ARHGAP45: variants seen among roughly 807,000 people sequenced by gnomAD.
The protein encoded by ARHGAP45 is rho GTPase-activating protein 45.
In ARHGAP45, 56 loss-of-function variants were observed where a neutral mutation model predicts 116.1. That is an observed-to-expected ratio of 0.48 (90% confidence interval 0.39 to 0.60). The LOEUF is 0.60. Among genes scored for constraint, ARHGAP45 ranks in the 20% least tolerant of loss-of-function variants. ARHGAP45 has a pLI of 0.00. For synonymous variants in ARHGAP45, 866 were observed against 701.7 expected, an observed-to-expected ratio of 1.23 and a Z score of -3.70; for missense variants, 1,622 against 1,601.0, an observed-to-expected ratio of 1.01 and a Z score of -0.22.
At chr19:1,075,027 G>GCCCCC (rs539582612) in intron 10 of ARHGAP45, 148 bp downstream of exon 10, 54 of 441,386 alleles carry the variant, frequency 1.2e-4, no homozygotes, top group African/African-American at 1.2e-3. Flanking sequence ...AGGCTGGGCC[G>GCCCCC]CCCCCCCCAA....
At position 1,085,655 on chromosome 19, in the gene ARHGAP45, C is replaced by T. The variant is rs766494077; in HGVS notation, c.3065-5C>T. On this transcript the variant is annotated splice_polypyrimidine_tract_variant and splice_region_variant and intron_variant, in intron 22 of 22. Coordinates refer to ENST00000313093, the MANE Select transcript of ARHGAP45 (RefSeq NM_012292.5). Reference sequence around the variant, plus strand: ...CTCCCCCCGCCATCTGTCTCCCTTTCTTAGAATCCCGAGTTGTGTCCAACG... The same window carrying T: ...CTCCCCCCGCCATCTGTCTCCCTTTTTTAGAATCCCGAGTTGTGTCCAACG... 6.4e-7 allele frequency: 1 copy of T among 1,552,110 alleles called. No individual in the cohort carries two copies. The highest frequency in any genetic ancestry group is 2.3e-5 in the East Asian group (1 of 43,584).
At chr19:1,084,494 T>C in intron 22 of ARHGAP45, 148 bp downstream of exon 22, 1 of 616,114 alleles carries the variant, frequency 1.6e-6, no homozygotes. Context: ...ACCACACCTA[T>C]GAGCTACTCA....
chr19:1,081,899 G>A lies in ARHGAP45; in HGVS notation c.2455G>A (p.Val819Ile). ...GGCCTTCGAGAACGGCAAGGAGCTG[G>A]TCGAGCTGTCGCAGGCCTCGCCCCA... Reference protein sequence around the residue: ...CQAFENGKELVELSQASPHDI... With the variant: ...CQAFENGKELIELSQASPHDI... The change falls in exon 19 of 23, where the codon GTC (valine) becomes ATC (isoleucine). Residue 819 changes from valine to isoleucine, a missense_variant. This residue lies in a region of ARHGAP45 where 1,334 missense variants were observed against 1,263.8 expected (regional missense o/e 1.06). Coordinates refer to ENST00000313093, the MANE Select transcript of ARHGAP45 (RefSeq NM_012292.5). The A allele has an allele frequency of 6.2e-7, 1 of 1,613,148 alleles. No individual in the cohort carries two copies. The highest frequency in any genetic ancestry group is 1.1e-5 in the South Asian group (1 of 91,060).
At chr19:1,075,037 A>C (rs774466551) in intron 10 of ARHGAP45, among the ~76,000 whole-genome samples, 158 bp downstream of exon 10, 928 of 51,560 alleles carry the variant, frequency 0.018, 6 homozygotes, top group African/African-American at 0.029. Context: ...GCCCCCCCCA[A>C]CGCCAAGCCG....
intron 1 of ARHGAP45, among the ~76,000 whole-genome samples, chr19:1,067,963 G>T (rs928354810): frequency 2.9e-5 from 4 of 136,522 alleles, no homozygotes; most frequent in East Asian, 5.2e-4. Flanking sequence ...CTGGGGGGGG[G>T]GTCTACAGAG....
rs752433231 is a variant in ARHGAP45 at position 1,080,261 on chromosome 19, C to A, written c.1710C>A (p.Pro570=). The change falls in exon 14 of 23, where the codon CCC becomes CCA. Residue 570 remains proline, a synonymous_variant. Transcript: ENST00000313093. Reference sequence around the variant, plus strand: ...TCCCGGTTTCTTCCACTAGGTCCCCCGTCATGCGTGCCCGGAAGAGCAGCT... The same window carrying A: ...TCCCGGTTTCTTCCACTAGGTCCCCAGTCATGCGTGCCCGGAAGAGCAGCT... The part of the protein sequence containing the change: ...EPHVSANAWS[P]VMRARKSSFN... The A allele has an allele frequency of 6.2e-7, 1 of 1,612,536 alleles. No individual in the cohort carries two copies.
chr19:1,067,565 C>CATGCT, intron 1 of ARHGAP45, 70 bp downstream of exon 1: 1 of 1,410,196 alleles, frequency 7.1e-7, no homozygotes, highest in Non-Finnish European at 9.8e-7. Flanking sequence ...GCCCTGTGCT[C>CATGCT]GGGGCTCATG....
At position 1,067,246 on chromosome 19, in the gene ARHGAP45, T is replaced by TC. The variant is rs2043052478; in HGVS notation, c.-160_-159insC. On this transcript the variant is annotated 5_prime_UTR_variant, in exon 1 of 23. Transcript: ENST00000313093. ...CCGCCTCCCCGAAGCCTTTTCCTGT[T>TC]GGGGGGAGGGCCCGCCAGTGACGGC... is the stretch of plus-strand genomic sequence containing the variant. 3 of 1,376,578 alleles carry TC rather than the reference T, an allele frequency of 2.2e-6. No individual in the cohort carries two copies. The highest frequency in any genetic ancestry group is 2.7e-4 in the Middle Eastern group (1 of 3,726). The allele number at this position is 1,376,578 out of a possible 1,614,324, so 85.3% of individuals were successfully genotyped here.
rs201906223 is a variant in ARHGAP45, at chr19:1,085,952, T to G, written c.3357T>G (p.Arg1119=). ...CCCCACTGCCCCCCATGAGGCTCCGTGGCGGGCGGATGACACTGGGCTCCT... is the reference window on the plus strand; with the variant it reads ...CCCCACTGCCCCCCATGAGGCTCCGGGGCGGGCGGATGACACTGGGCTCCT... ...LQAPLPPMRL[R]GGRMTLGSCR... is the part of the protein sequence containing the mutation. Residue 1119 remains arginine (R), a synonymous_variant, in exon 23 of 23, where the codon CGT becomes CGG. Transcript: ENST00000313093. 2 of 1,612,724 alleles carry G rather than the reference T, an allele frequency of 1.2e-6. No homozygotes were observed. The highest frequency in any genetic ancestry group is 2.7e-5 in the African/African-American group (2 of 74,872).
In ARHGAP45 at chr19:1,074,743, G is replaced by A. The variant is rs1390132481; in HGVS notation, c.1104+19G>A. On this transcript the variant is annotated intron_variant, in intron 9 of 22. Coordinates refer to ENST00000313093, the MANE Select transcript of ARHGAP45 (RefSeq NM_012292.5). ...CATGCAGGTGCGTGGTGCCCGGGAG[G>A]GCGGGCTGGGCGGGGGTGTCACCGG... 1.3e-6 allele frequency: 2 copies of A among 1,595,302 alleles called. No individual in the cohort carries two copies. The highest frequency in any genetic ancestry group is 1.1e-5 in the South Asian group (1 of 88,256).
rs926934250 is a variant in ARHGAP45, at chr19:1,086,613, A to G, written c.*607A>G. 6.6e-6 allele frequency: 1 copy of G among 152,340 alleles called. No homozygotes were observed. The highest frequency in any genetic ancestry group is 1.5e-5 in the Non-Finnish European group (1 of 68,048). 9.4% of individuals were successfully genotyped at this position (152,340 alleles called of 1,614,324 possible). ...AGGCACGTTTATTTTGCTGAAATAA[A>G]AAGTTTTTAATCGGGTGTTTTCTGT... On this transcript the variant is annotated 3_prime_UTR_variant, in exon 23 of 23. Coordinates refer to ENST00000313093, the MANE Select transcript of ARHGAP45 (RefSeq NM_012292.5).
Position 1,085,693 on chromosome 19 carries a change from AC to A in ARHGAP45, c.3100del (p.Leu1034Ter). 1 of 1,597,832 alleles carries A rather than the reference AC, an allele frequency of 6.3e-7. No homozygotes were observed. Among genetic ancestry groups the A allele is most frequent in the Non-Finnish European group, 8.5e-7 (1 of 1,170,570 alleles). On this transcript the variant is annotated frameshift_variant, in exon 23 of 23. Coordinates refer to ENST00000313093, the MANE Select transcript of ARHGAP45 (RefSeq NM_012292.5). LOFTEE classifies it low-confidence loss of function (END_TRUNC). Reference protein sequence around the residue: ...SRVVSNDSDSDLEEASELLSS... With the variant: ...SRVVSNDSDSXLEEASELLSS... ...GTTGTGTCCAACGATTCGGACTCGG[AC>A]CTAGAGGAGGCCTCCGAGCTGCTGT...
chr19:1,083,008 C>T lies in ARHGAP45; in HGVS notation c.2686C>T (p.Arg896Trp), dbSNP rs1387092289. Residue 896 changes from arginine (R) to tryptophan (W), a missense_variant, in exon 20 of 23, where the codon CGG becomes TGG. Arg to Trp is a moderately radical substitution (Grantham distance 101). Coordinates refer to ENST00000313093, the MANE Select transcript of ARHGAP45 (RefSeq NM_012292.5). ...ALAGRLRELL[R>W]DLPPENRASL... ...GGCAGGTCGGCTGCGGGAGCTCCTGCGGGACCTGCCGCCTGAGAACCGGGC... is the reference window on the plus strand; with the variant it reads ...GGCAGGTCGGCTGCGGGAGCTCCTGTGGGACCTGCCGCCTGAGAACCGGGC... The T allele has an allele frequency of 1.3e-6, 2 of 1,544,918 alleles. No individual in the cohort carries two copies. The highest frequency in any genetic ancestry group is 1.9e-5 in the Admixed American group (1 of 51,796).
chr19:1,085,522 GTCTCTCCCCATCTCTCCTGTCTCTCCATC>G (rs1436275246), intron 22 of ARHGAP45, 109 bp from the exon 23 acceptor site: 30 of 627,492 alleles, frequency 4.8e-5, no homozygotes, highest in East Asian at 1.7e-4. Flanking sequence ...CATCTCTCCT[GTCTCTCCCCATCTCTCCTGTCTCTCCATC>G]TCTCTCCCCC....
At position 1,074,220 on chromosome 19, in the gene ARHGAP45, C is replaced by G; in HGVS notation, c.907C>G (p.Leu303Val). The G allele has an allele frequency of 1.9e-6, 3 of 1,613,330 alleles. No homozygotes were observed. The highest frequency in any genetic ancestry group is 2.5e-6 in the Non-Finnish European group (3 of 1,179,988). Residue 303 changes from leucine to valine, a missense_variant, in exon 7 of 23, where the codon CTG becomes GTG. Physicochemically the swap from Leu to Val is conservative, Grantham distance 32 (BLOSUM62 1). Around this residue, in one of 3 missense-constraint regions of ARHGAP45, gnomAD observed 1,334 missense variants for 1,263.8 expected, o/e 1.06. Transcript: ENST00000313093. ...AKYMKDLISY[L>V]EKRTTLEMEF... is the part of the protein sequence containing the mutation. Reference sequence around the variant, plus strand: ...GTACATGAAGGACCTCATCAGCTACCTGGAGAAGCGGACGACGCTGGGTGA... The same window carrying G: ...GTACATGAAGGACCTCATCAGCTACGTGGAGAAGCGGACGACGCTGGGTGA...
At chr19:1,082,780 AG>A in intron 19 of ARHGAP45, 59 bp from the exon 20 acceptor site, 1 of 1,366,452 alleles carries the variant, frequency 7.3e-7, no homozygotes, top group Non-Finnish European at 9.7e-7. Context: ...GGGGCGTGGC[AG>A]GCACACGTGG....
At chr19:1,083,631 C>T (rs1390960712) in intron 21 of ARHGAP45, among the ~76,000 whole-genome samples, 1 of 152,220 alleles carries the variant, frequency 6.6e-6, no homozygotes, top group Non-Finnish European at 1.5e-5. Flanking sequence ...CAGCTTCCTT[C>T]CCCGTTTCCC....
chr19:1,077,708 CG>C, intron 10 of ARHGAP45, 148 bp from the exon 11 acceptor site: 2 of 1,489,488 alleles, frequency 1.3e-6, no homozygotes, highest in Non-Finnish European at 1.8e-6. Flanking sequence ...TTTCCGCTGC[CG>C]ATTGTTGTGC....
chr19:1,079,619 G>A, intron 11 of ARHGAP45, 84 bp from the exon 12 acceptor site: 1 of 1,521,192 alleles, frequency 6.6e-7, no homozygotes. Context: ...GATGACAGGC[G>A]TCAGCCCCGC....
Sources: allele counts gnomAD v4.1 joint callset (sites outside exome capture counted in the v4.1 genomes callset), GRCh38; gene constraint gnomAD v4.1.1; regional missense constraint gnomAD v4.1.1; transcripts MANE v1.5; gene names NCBI Gene and HGNC (gene_info 2026-07-23, HGNC 2026-07-21).